OLA1: variants seen among roughly 807,000 people sequenced by gnomAD.
OLA1 encodes the protein Obg like ATPase 1.
A neutral mutation model predicts 48.4 loss-of-function variants in OLA1; 14 were observed. The observed-to-expected ratio is 0.29, with a 90% CI of 0.19 to 0.45. OLA1 has a LOEUF of 0.45. OLA1 is among the 20% of genes least tolerant of loss of function. OLA1 has a pLI of 1.00. For missense variants in OLA1, 325 were observed against 467.1 expected, an observed-to-expected ratio of 0.70 and a Z score of 2.80; for synonymous variants, 127 against 150.4, an observed-to-expected ratio of 0.84 and a Z score of 1.14.
intron 4 of OLA1, among the ~76,000 whole-genome samples, chr2:174,169,037 C>A (rs543808536): frequency 6.6e-6 from 1 of 152,198 alleles, no homozygotes; most frequent in South Asian, 2.1e-4. Context: ...CAGCTCACTG[C>A]AACCTCAGCC....
intron 7 of OLA1, among the ~76,000 whole-genome samples, chr2:174,117,486 G>GT (rs1028025893): frequency 2.6e-5 from 4 of 152,188 alleles, no homozygotes; most frequent in South Asian, 2.1e-4. Context: ...ATATTCTCCA[G>GT]TTTTTTAGGA....
intron 4 of OLA1, among the ~76,000 whole-genome samples, chr2:174,160,566 G>A (rs1686986986): frequency 1.3e-5 from 2 of 152,106 alleles, no homozygotes; most frequent in Non-Finnish European, 1.5e-5. Flanking sequence ...CCCAGAGTAG[G>A]CACACCTGCC....
At chr2:174,182,680 A>G (rs1174655371) in intron 4 of OLA1, among the ~76,000 whole-genome samples, 1 of 152,210 alleles carries the variant, frequency 6.6e-6, no homozygotes, top group Non-Finnish European at 1.5e-5. Flanking sequence ...AATTAGACAG[A>G]AAATAATTTT....
intron 7 of OLA1, among the ~76,000 whole-genome samples, chr2:174,121,367 A>T (rs545397870): frequency 6.6e-6 from 1 of 152,286 alleles, no homozygotes; most frequent in East Asian, 1.9e-4. Context: ...GTCAATGGCT[A>T]GCTTGAGGGA....
chr2:174,169,877 A>G (rs1423644413), intron 4 of OLA1, among the ~76,000 whole-genome samples: 1 of 152,212 alleles, frequency 6.6e-6, no homozygotes, highest in Non-Finnish European at 1.5e-5. Flanking sequence ...TTAAATGGTT[A>G]ATTTTAGGTA....
At chr2:174,164,048 T>G (rs1242728953) in intron 4 of OLA1, among the ~76,000 whole-genome samples, 2 of 151,624 alleles carry the variant, frequency 1.3e-5, no homozygotes, top group Admixed American at 6.6e-5. Context: ...TGATAGTGAG[T>G]TCACACAAGA....
chr2:174,136,749 G>A (rs1686319266), intron 5 of OLA1, among the ~76,000 whole-genome samples: 1 of 150,836 alleles, frequency 6.6e-6, no homozygotes, highest in Non-Finnish European at 1.5e-5. Flanking sequence ...TTGGTTCACT[G>A]CAACCTCAGC....
At chr2:174,096,130 A>C (rs949080109) in intron 7 of OLA1, among the ~76,000 whole-genome samples, 1 of 152,350 alleles carries the variant, frequency 6.6e-6, no homozygotes, top group Non-Finnish European at 1.5e-5. Flanking sequence ...GTACTGATAC[A>C]CACTACAACA....
chr2:174,230,332 C>G (rs1224257928), intron 2 of OLA1, among the ~76,000 whole-genome samples: 6 of 152,114 alleles, frequency 3.9e-5, no homozygotes, highest in African/African-American at 1.4e-4. Context: ...TCTTTGAAGA[C>G]TGTTAAAGTG....
At chr2:174,167,895 A>G (rs1687203473) in intron 4 of OLA1, among the ~76,000 whole-genome samples, 1 of 152,190 alleles carries the variant, frequency 6.6e-6, no homozygotes, top group Non-Finnish European at 1.5e-5. Context: ...TTCATTTTCA[A>G]TAATGACATA....
At chr2:174,204,293 C>T (rs900364817) in intron 4 of OLA1, among the ~76,000 whole-genome samples, 2 of 151,820 alleles carry the variant, frequency 1.3e-5, no homozygotes, top group South Asian at 2.1e-4. Context: ...CCCAGCTACT[C>T]GGGAGGCTGA....
chr2:174,091,091 A>G (rs1685102515), intron 7 of OLA1, among the ~76,000 whole-genome samples: 2 of 152,254 alleles, frequency 1.3e-5, no homozygotes, highest in African/African-American at 4.8e-5. Context: ...TGCCTGGCAC[A>G]TAGTGGGTGC....
intron 2 of OLA1, among the ~76,000 whole-genome samples, chr2:174,237,139 T>C (rs1307644901): frequency 3.3e-5 from 5 of 152,218 alleles, no homozygotes; most frequent in African/African-American, 1.2e-4. Flanking sequence ...ATTTTTTCTT[T>C]ATATCCTTAT....
At chr2:174,079,171 C>G in intron 9 of OLA1, 81 bp from the exon 10 acceptor site, 1 of 1,219,394 alleles carries the variant, frequency 8.2e-7, no homozygotes, top group Non-Finnish European at 1.1e-6. Flanking sequence ...CTCTGATCTG[C>G]AGTTGGGCTC....
chr2:174,238,718 T>C (rs769055337), intron 2 of OLA1, among the ~76,000 whole-genome samples: 10 of 152,060 alleles, frequency 6.6e-5, no homozygotes, highest in Non-Finnish European at 1.0e-4. Context: ...CTTCTAAATA[T>C]ATACCTAAGA....
intron 8 of OLA1, 103 bp downstream of exon 8, chr2:174,081,821 A>G: frequency 9.1e-7 from 1 of 1,097,522 alleles, no homozygotes; most frequent in Non-Finnish European, 1.3e-6. Flanking sequence ...CCTCTTTATA[A>G]TGGTAATTAC....
intron 1 of OLA1, chr2:174,248,042 C>T (rs796634338): frequency 1.3e-5 from 4 of 312,228 alleles, no homozygotes; most frequent in African/African-American, 8.3e-5. Context: ...ACCCCGAGGG[C>T]CAGGAATTTC....
intron 7 of OLA1, among the ~76,000 whole-genome samples, chr2:174,102,113 A>G (rs895333034): frequency 6.6e-6 from 1 of 152,170 alleles, no homozygotes; most frequent in Admixed American, 6.5e-5. Context: ...ATAAGTCATT[A>G]GCAGAGAGCA....
At chr2:174,117,420 C>A (rs998534098) in intron 7 of OLA1, among the ~76,000 whole-genome samples, 1 of 152,136 alleles carries the variant, frequency 6.6e-6, no homozygotes, top group Non-Finnish European at 1.5e-5. Context: ...AAGTAGTATT[C>A]TTCTTAACAC....
Sources: gnomAD v4.1 joint callset for allele counts (sites outside exome capture counted in the v4.1 genomes callset) on GRCh38, gnomAD v4.1.1 for gene constraint, MANE v1.5 for transcripts, NCBI Gene and HGNC (gene_info 2026-07-23, HGNC 2026-07-21) for gene names.